SDK1: variants seen among roughly 807,000 people sequenced by gnomAD.
The protein encoded by SDK1 is sidekick cell adhesion molecule 1.
In SDK1, 157 loss-of-function variants were observed where a neutral mutation model predicts 245.5. That is an observed-to-expected ratio of 0.64 (90% CI 0.56 to 0.73). The LOEUF is 0.73. SDK1 is among the 30% of genes least tolerant of loss of function. The pLI, the probability that SDK1 is intolerant of heterozygous loss-of-function variation, is 0.00. For synonymous variants in SDK1, 1,647 were observed against 1,278.5 expected (o/e 1.29, Z -6.15); for missense variants, 3,583 against 3,002.3 (o/e 1.19, Z -4.52).
chr7:3,470,851 A>G (rs557163987), intron 1 of SDK1, among the ~76,000 whole-genome samples: 2 of 152,154 alleles, frequency 1.3e-5, no homozygotes, highest in African/African-American at 2.4e-5. Flanking sequence ...AATTTCTACT[A>G]TTATCATTTA....
At chr7:4,140,312 G>T (rs747927435) in intron 28 of SDK1, among the ~76,000 whole-genome samples, 3 of 152,100 alleles carry the variant, frequency 2.0e-5, no homozygotes, top group East Asian at 1.9e-4. Context: ...GGCTCTTCCC[G>T]AGGACTCTCT....
intron 25 of SDK1, among the ~76,000 whole-genome samples, chr7:4,121,682 C>A (rs58903631): frequency 0.072 from 10,941 of 152,210 alleles, 1,106 homozygotes; most frequent in African/African-American, 0.21. Context: ...TGCAGAATCC[C>A]CTGTATCAGC....
At chr7:3,990,977 G>T (rs934343809) in intron 14 of SDK1, among the ~76,000 whole-genome samples, 2 of 152,216 alleles carry the variant, frequency 1.3e-5, no homozygotes, top group Non-Finnish European at 2.9e-5. Context: ...GAAGCCAGCT[G>T]GGCATCTGCT....
intron 28 of SDK1, among the ~76,000 whole-genome samples, chr7:4,144,403 C>T (rs959814664): frequency 5.4e-5 from 8 of 147,824 alleles, no homozygotes; most frequent in Admixed American, 2.7e-4. Flanking sequence ...CTAGAGGTGG[C>T]TGCGTCATGG....
In SDK1 at chr7:4,077,226, T is replaced by G. The variant is rs779294590; in HGVS notation, c.3202+37T>G. ...CGTGTGCGGTCCTCCTGCTGTCACC[T>G]TTCTCTTGGAGATTCCCGAGGCTAG... On this transcript the variant is annotated intron_variant, in intron 21 of 44. Coordinates refer to ENST00000404826, the MANE Select transcript of SDK1 (RefSeq NM_152744.4). 10 of 1,589,834 alleles carry G rather than the reference T, an allele frequency of 6.3e-6. No homozygotes were observed. The Admixed American group carries it at 1.5e-4, about 25-fold the overall frequency.
chr7:3,740,482 T>G (rs1378171679), intron 4 of SDK1, among the ~76,000 whole-genome samples: 1 of 152,198 alleles, frequency 6.6e-6, no homozygotes, highest in South Asian at 2.1e-4. Context: ...TAGGGCTTTT[T>G]GCACAGATAC....
intron 1 of SDK1, among the ~76,000 whole-genome samples, chr7:3,600,287 C>G (rs1440021574): frequency 6.6e-6 from 1 of 152,016 alleles, no homozygotes; most frequent in African/African-American, 2.4e-5. Flanking sequence ...CCTTGTTAAA[C>G]ACATTAGTTC....
intron 5 of SDK1, among the ~76,000 whole-genome samples, chr7:3,949,426 C>A (rs886847023): frequency 1.1e-4 from 16 of 152,218 alleles, no homozygotes; most frequent in Non-Finnish European, 2.4e-4. Flanking sequence ...CGTCTCTTTC[C>A]CGTTGTTCTC....
In SDK1 at chr7:4,017,308, T is replaced by C. The variant is rs765494218; in HGVS notation, c.2558T>C (p.Leu853Pro). 12 of 1,613,768 alleles carry C rather than the reference T, an allele frequency of 7.4e-6. No homozygotes were observed. In the South Asian group the frequency reaches 1.2e-4, roughly 16 times the overall value. ...IQVAAYNGAG[L>P]GVFSRAVTEY... is the part of the protein sequence containing the mutation. ...GTGGCGGCGTACAACGGGGCCGGTC[T>C]GGGCGTCTTCAGCAGGGCAGTGACC... The change falls in exon 17 of 45, where the codon CTG (leucine) becomes CCG (proline). Residue 853 changes from leucine to proline, a missense_variant. By Grantham distance (98) the Leu-to-Pro change is moderately conservative. Transcript: ENST00000404826.
At chr7:4,003,226 C>G (rs1431729602) in intron 14 of SDK1, among the ~76,000 whole-genome samples, 1 of 152,252 alleles carries the variant, frequency 6.6e-6, no homozygotes, top group Non-Finnish European at 1.5e-5. Flanking sequence ...AGGTTCCACG[C>G]AGGGCCTCCT....
At chr7:3,838,758 C>G (rs556231581) in intron 5 of SDK1, among the ~76,000 whole-genome samples, 2 of 152,304 alleles carry the variant, frequency 1.3e-5, no homozygotes, top group South Asian at 4.1e-4. Flanking sequence ...AGCTGTGTCC[C>G]TCACTAGGAG....
At chr7:3,735,749 G>A (rs368921993) in intron 4 of SDK1, among the ~76,000 whole-genome samples, 26 of 152,236 alleles carry the variant, frequency 1.7e-4, no homozygotes, top group African/African-American at 4.3e-4. Flanking sequence ...ACTGTTTTCC[G>A]TAGTGGCTGC....
At chr7:3,775,256 C>T (rs894838075) in intron 4 of SDK1, among the ~76,000 whole-genome samples, 1 of 151,850 alleles carries the variant, frequency 6.6e-6, no homozygotes, top group African/African-American at 2.4e-5. Flanking sequence ...CTATTTTGGC[C>T]CTCTTGGTTT....
At chr7:3,659,788 G>A (rs997522882) in intron 4 of SDK1, among the ~76,000 whole-genome samples, 1 of 152,228 alleles carries the variant, frequency 6.6e-6, no homozygotes, top group African/African-American at 2.4e-5. Flanking sequence ...CGGCAAGGGG[G>A]ACTGGCAGCC....
At chr7:3,759,768 T>C in intron 4 of SDK1, among the ~76,000 whole-genome samples, 1 of 152,032 alleles carries the variant, frequency 6.6e-6, no homozygotes, top group East Asian at 1.9e-4. Flanking sequence ...ATTTTTTGTA[T>C]TTTTAGCAGA....
At chr7:3,697,972 A>C (rs1784622918) in intron 4 of SDK1, among the ~76,000 whole-genome samples, 2 of 152,178 alleles carry the variant, frequency 1.3e-5, no homozygotes, top group South Asian at 4.1e-4. Context: ...AGACAGACTG[A>C]GGACCTTGAG....
At chr7:3,449,102 A>G (rs947920452) in intron 1 of SDK1, among the ~76,000 whole-genome samples, 1 of 152,206 alleles carries the variant, frequency 6.6e-6, no homozygotes, top group East Asian at 1.9e-4. Flanking sequence ...CTTTTCACAT[A>G]CAGAGAAATT....
intron 2 of SDK1, among the ~76,000 whole-genome samples, chr7:3,628,868 G>T (rs1034549541): frequency 3.3e-5 from 5 of 152,150 alleles, no homozygotes; most frequent in Non-Finnish European, 7.4e-5. Flanking sequence ...TTACTGCCTT[G>T]AGGGGATTTC....
intron 1 of SDK1, among the ~76,000 whole-genome samples, chr7:3,569,259 C>T (rs181474352): frequency 2.5e-4 from 38 of 152,254 alleles, no homozygotes; most frequent in Middle Eastern, 6.8e-3. Flanking sequence ...CAAACGAGAA[C>T]CAGAAGTAAG....
Sources: allele counts gnomAD v4.1 joint callset (sites outside exome capture counted in the v4.1 genomes callset), GRCh38; gene constraint gnomAD v4.1.1; transcripts MANE v1.5; gene names NCBI Gene and HGNC (gene_info 2026-07-23, HGNC 2026-07-21).